RCL1: variants seen among roughly 807,000 people sequenced by gnomAD.
The protein encoded by RCL1 is RNA terminal phosphate cyclase like 1.
RCL1 carries 24 observed loss-of-function variants against 42.4 expected under a neutral mutation model. The observed-to-expected ratio is 0.57, with a 90% CI of 0.41 to 0.80. The LOEUF (loss-of-function observed/expected upper bound fraction) is 0.80, where lower values mean the gene tolerates loss of function less well. Among genes scored for constraint, RCL1 ranks in the 30% least tolerant of loss-of-function variants. RCL1 has a pLI of 0.00. For missense variants in RCL1, 578 were observed against 467.9 expected (o/e 1.24, Z -2.17); for synonymous variants, 228 against 177.3 (o/e 1.29, Z -2.27).
intron 1 of RCL1, among the ~76,000 whole-genome samples, chr9:4,799,045 CT>C (rs1436243812): frequency 8.3e-5 from 10 of 120,032 alleles, no homozygotes; most frequent in East Asian, 2.9e-4. Context: ...CCCTTCCCCC[CT>C]CTCTCCCTCC....
chr9:4,810,577 A>C (rs1816139609), intron 1 of RCL1, among the ~76,000 whole-genome samples: 1 of 152,014 alleles, frequency 6.6e-6, no homozygotes, highest in Non-Finnish European at 1.5e-5. Context: ...GTTTTGATGA[A>C]AATTTGGCTT....
chr9:4,796,503 C>A (rs568550743), intron 1 of RCL1, among the ~76,000 whole-genome samples: 2 of 152,290 alleles, frequency 1.3e-5, no homozygotes, highest in Admixed American at 1.3e-4. Flanking sequence ...TCAGGTGATC[C>A]TCTCACGTTA....
At chr9:4,794,543 T>G (rs1206675642) in intron 1 of RCL1, among the ~76,000 whole-genome samples, 2 of 152,190 alleles carry the variant, frequency 1.3e-5, no homozygotes, top group East Asian at 3.9e-4. Flanking sequence ...CTCAGCCAGC[T>G]CTCCATCCAC....
chr9:4,801,182 G>GT (rs1211206564), intron 1 of RCL1, among the ~76,000 whole-genome samples: 8 of 151,992 alleles, frequency 5.3e-5, no homozygotes, highest in Non-Finnish European at 1.2e-4. Flanking sequence ...GTTTTGTTTT[G>GT]TTTTTTTGAG....
At chr9:4,837,147 G>GT (rs1389626506) in intron 5 of RCL1, among the ~76,000 whole-genome samples, 2 of 152,162 alleles carry the variant, frequency 1.3e-5, no homozygotes, top group East Asian at 1.9e-4. Flanking sequence ...GAAATGCAAT[G>GT]TAACTAGGTG....
intron 4 of RCL1, 130 bp downstream of exon 4, chr9:4,833,358 G>T: frequency 1.4e-6 from 1 of 702,956 alleles, no homozygotes; most frequent in Middle Eastern, 2.4e-4. Flanking sequence ...AGACTCACAG[G>T]GCTCATGAAA....
chr9:4,799,592 G>A (rs549130576), intron 1 of RCL1, among the ~76,000 whole-genome samples: 5 of 152,036 alleles, frequency 3.3e-5, no homozygotes, highest in Non-Finnish European at 5.9e-5. Flanking sequence ...TCTCTAATCT[G>A]TTCTTTAATT....
At chr9:4,816,547 G>A (rs940756367) in intron 1 of RCL1, among the ~76,000 whole-genome samples, 9 of 151,990 alleles carry the variant, frequency 5.9e-5, no homozygotes, top group African/African-American at 2.2e-4. Flanking sequence ...TTTTCCCCCT[G>A]CTTATATAAT....
At chr9:4,812,681 C>T (rs1468534094) in intron 1 of RCL1, among the ~76,000 whole-genome samples, 5 of 151,804 alleles carry the variant, frequency 3.3e-5, no homozygotes, top group Admixed American at 1.3e-4. Flanking sequence ...TAAATAATCT[C>T]ATTGGTATTT....
chr9:4,797,403 T>A (rs547061232), intron 1 of RCL1, among the ~76,000 whole-genome samples: 5 of 152,152 alleles, frequency 3.3e-5, no homozygotes, highest in African/African-American at 4.8e-5. Flanking sequence ...TTCTGTAAAG[T>A]TCTTCTCCTA....
At chr9:4,806,116 AG>A (rs1563830277) in intron 1 of RCL1, among the ~76,000 whole-genome samples, 2 of 145,242 alleles carry the variant, frequency 1.4e-5, no homozygotes, top group Non-Finnish European at 3.0e-5. Context: ...TTTATTTAGG[AG>A]GTTTTTTTTT....
chr9:4,819,324 C>G (rs115749971), intron 1 of RCL1, among the ~76,000 whole-genome samples: 67 of 152,350 alleles, frequency 4.4e-4, no homozygotes, highest in African/African-American at 1.5e-3. Context: ...CTGATCTGAT[C>G]TATGAAACTG....
At chr9:4,855,937 C>T (rs1276403705) in intron 8 of RCL1, among the ~76,000 whole-genome samples, 2 of 152,190 alleles carry the variant, frequency 1.3e-5, no homozygotes, top group African/African-American at 4.8e-5. Flanking sequence ...AAGCTGAGGG[C>T]CCGTAGAAAT....
intron 1 of RCL1, among the ~76,000 whole-genome samples, chr9:4,797,007 TA>T (rs1842924099): frequency 6.6e-6 from 1 of 152,226 alleles, no homozygotes; most frequent in African/African-American, 2.4e-5. Context: ...TTTACTGAGG[TA>T]AAATCCTTAA....
At chr9:4,795,099 A>G (rs1376650017) in intron 1 of RCL1, among the ~76,000 whole-genome samples, 1 of 151,202 alleles carries the variant, frequency 6.6e-6, no homozygotes, top group Non-Finnish European at 1.5e-5. Flanking sequence ...TTTTTTTGAG[A>G]CAGAGTCTTA....
At position 4,793,102 on chromosome 9, in the gene RCL1, A is replaced by G. The variant is rs1842855555; in HGVS notation, c.11A>G (p.Gln4Arg). MAT[Q>R]AHSLSYAGCN... ...TCGGAGAGCGCGCACATGGCGACTC[A>G]GGCGCACTCCCTCAGCTACGCAGGG... is the stretch of plus-strand genomic sequence containing the variant. The change falls in exon 1 of 9, where the codon CAG becomes CGG. Residue 4 changes from glutamine (Q) to arginine (R), a missense_variant. By Grantham distance (43) the Gln-to-Arg change is conservative. Coordinates refer to ENST00000381750, the MANE Select transcript of RCL1 (RefSeq NM_005772.5). 6.2e-7 allele frequency: 1 copy of G among 1,609,048 alleles called. No individual in the cohort carries two copies. Among genetic ancestry groups the G allele is most frequent in the Middle Eastern group, 1.7e-4 (1 of 6,030 alleles).
intron 1 of RCL1, among the ~76,000 whole-genome samples, chr9:4,814,048 G>A (rs1429004103): frequency 6.6e-6 from 1 of 151,876 alleles, no homozygotes; most frequent in African/African-American, 2.4e-5. Context: ...TGGGGTGGGG[G>A]GAATGACGAG....
chr9:4,830,061 A>G (rs965335217), intron 3 of RCL1, among the ~76,000 whole-genome samples: 42 of 152,184 alleles, frequency 2.8e-4, no homozygotes, highest in African/African-American at 9.2e-4. Flanking sequence ...GACTGTGGAG[A>G]TAGAAGTATT....
intron 1 of RCL1, among the ~76,000 whole-genome samples, chr9:4,817,653 T>C (rs1816431775): frequency 6.6e-6 from 1 of 151,820 alleles, no homozygotes; most frequent in African/African-American, 2.4e-5. Flanking sequence ...TGCGCCACCA[T>C]GCCTGGCTAA....
Sources: gnomAD v4.1 joint callset for allele counts (sites outside exome capture counted in the v4.1 genomes callset) on GRCh38, gnomAD v4.1.1 for gene constraint, MANE v1.5 for transcripts, NCBI Gene and HGNC (gene_info 2026-07-23, HGNC 2026-07-21) for gene names.